MAGI1: variants seen among roughly 807,000 people sequenced by gnomAD.
MAGI1 encodes membrane associated guanylate kinase, WW and PDZ domain containing 1, also known as membrane-associated guanylate kinase, WW and PDZ domain-containing protein 1.
MAGI1 carries 58 observed loss-of-function variants against 139.9 expected under a neutral mutation model. The ratio of observed to expected loss-of-function variants is 0.41; its 90% CI spans 0.34 to 0.52. The LOEUF is 0.52. Ranked by LOEUF, MAGI1 falls within the 20% of genes least tolerant of loss-of-function variation. The pLI, the probability that MAGI1 is intolerant of heterozygous loss-of-function variation, is 0.12. For synonymous variants in MAGI1, 812 were observed against 737.9 expected, an observed-to-expected ratio of 1.10 and a Z score of -1.63; for missense variants, 1,874 against 1,901.6, an observed-to-expected ratio of 0.99 and a Z score of 0.27.
At chr3:65,718,235 C>G (rs1487838282) in intron 1 of MAGI1, among the ~76,000 whole-genome samples, 1 of 151,978 alleles carries the variant, frequency 6.6e-6, no homozygotes, top group Non-Finnish European at 1.5e-5. Context: ...ACCGGGCATT[C>G]TAACAGCAGA....
intron 1 of MAGI1, among the ~76,000 whole-genome samples, chr3:65,793,074 G>A (rs897650065): frequency 6.6e-6 from 1 of 152,190 alleles, no homozygotes; most frequent in African/African-American, 2.4e-5. Context: ...TAAGTTGAAT[G>A]TATTTCTTTT....
intron 1 of MAGI1, among the ~76,000 whole-genome samples, chr3:65,803,918 C>T (rs905398320): frequency 3.9e-5 from 6 of 152,168 alleles, no homozygotes; most frequent in Non-Finnish European, 7.3e-5. Flanking sequence ...TCCTCTAACT[C>T]AGAAACAATA....
intron 1 of MAGI1, among the ~76,000 whole-genome samples, chr3:65,788,468 T>C (rs1307249047): frequency 6.6e-6 from 1 of 152,220 alleles, no homozygotes; most frequent in Non-Finnish European, 1.5e-5. Flanking sequence ...CTATGCATTT[T>C]AGATTATTCA....
intron 1 of MAGI1, among the ~76,000 whole-genome samples, chr3:65,822,997 A>T (rs376249100): frequency 1.6e-3 from 238 of 152,312 alleles, no homozygotes; most frequent in African/African-American, 5.4e-3. Flanking sequence ...CCTCACTTAG[A>T]TCCTTATTCA....
At chr3:66,021,676 G>A (rs532355829) in intron 1 of MAGI1, among the ~76,000 whole-genome samples, 13 of 152,264 alleles carry the variant, frequency 8.5e-5, no homozygotes, top group African/African-American at 3.1e-4. Flanking sequence ...TGATCCCGTA[G>A]GTCTGGGATG....
chr3:65,388,722 G>C (rs557642010), intron 14 of MAGI1, among the ~76,000 whole-genome samples: 22 of 151,246 alleles, frequency 1.5e-4, no homozygotes, highest in African/African-American at 5.3e-4. Context: ...CTATCTATCC[G>C]TCAACTACAG....
intron 1 of MAGI1, among the ~76,000 whole-genome samples, chr3:65,694,438 T>C (rs953019728): frequency 7.2e-6 from 1 of 138,130 alleles, no homozygotes; most frequent in Non-Finnish European, 1.6e-5. Flanking sequence ...GGGTAGTAAG[T>C]GCTAAAAAAA....
At chr3:65,617,277 G>C (rs910867736) in intron 2 of MAGI1, among the ~76,000 whole-genome samples, 3 of 152,168 alleles carry the variant, frequency 2.0e-5, no homozygotes, top group African/African-American at 7.2e-5. Context: ...ACCTTTGCTT[G>C]AAAAGAAAGA....
intron 9 of MAGI1, among the ~76,000 whole-genome samples, chr3:65,438,414 G>T (rs557723687): frequency 6.6e-6 from 1 of 152,242 alleles, no homozygotes; most frequent in South Asian, 2.1e-4. Flanking sequence ...ATTACTTAAT[G>T]GGTACAATGT....
At chr3:65,887,181 T>C (rs563426983) in intron 1 of MAGI1, among the ~76,000 whole-genome samples, 12 of 151,974 alleles carry the variant, frequency 7.9e-5, no homozygotes, top group Admixed American at 6.5e-4. Context: ...TATAGAAAAA[T>C]TGAAAAAATA....
intron 12 of MAGI1, among the ~76,000 whole-genome samples, chr3:65,425,362 A>G (rs532750480): frequency 1.3e-5 from 2 of 152,182 alleles, no homozygotes; most frequent in African/African-American, 2.4e-5. Flanking sequence ...TGACTTGCCT[A>G]AAGTCACAAT....
intron 22 of MAGI1, chr3:65,360,837 C>T (rs1479146530): frequency 1.8e-6 from 2 of 1,099,212 alleles, no homozygotes; most frequent in Admixed American, 4.6e-5. Context: ...ACCTGCTTTC[C>T]TGCTTCTTAA....
intron 13 of MAGI1, among the ~76,000 whole-genome samples, chr3:65,395,137 C>G (rs936490158): frequency 6.6e-6 from 1 of 152,112 alleles, no homozygotes; most frequent in Non-Finnish European, 1.5e-5. Context: ...CATAGGATCA[C>G]CTGCTGTGTG....
chr3:65,636,354 T>G (rs930418968), intron 1 of MAGI1, among the ~76,000 whole-genome samples: 10 of 152,212 alleles, frequency 6.6e-5, no homozygotes, highest in African/African-American at 1.9e-4. Flanking sequence ...TATCAGATAT[T>G]TCTAATCTCC....
intron 4 of MAGI1, among the ~76,000 whole-genome samples, chr3:65,475,640 G>GT (rs1950850650): frequency 6.6e-6 from 1 of 152,046 alleles, no homozygotes; most frequent in Non-Finnish European, 1.5e-5. Context: ...CTTTCTCAAG[G>GT]GCTCTTTTTA....
intron 1 of MAGI1, among the ~76,000 whole-genome samples, chr3:65,820,729 G>A (rs2108250918): frequency 6.6e-6 from 1 of 152,206 alleles, no homozygotes; most frequent in East Asian, 1.9e-4. Context: ...AGTAAATAAT[G>A]TGCTTCAGGC....
rs139746262 is a variant in MAGI1, at chr3:66,016,657, A to G, written c.313+21339T>C. ...TGAGCAAGAAAGAAAAGCAGAATGGAGGAGGTCAGGACATCAAGAAAATCT... is the reference window on the plus strand; with the variant it reads ...TGAGCAAGAAAGAAAAGCAGAATGGGGGAGGTCAGGACATCAAGAAAATCT... On this transcript the variant is annotated intron_variant, in intron 1 of 22. Transcript: ENST00000402939. Among the ~76,000 whole-genome samples, 708 of 152,356 alleles carry G rather than the reference A, an allele frequency of 4.6e-3. 4 individuals carry two copies. The highest frequency in any genetic ancestry group is 0.016 in the African/African-American group (669 of 41,582).
chr3:65,542,300 C>G (rs909817989), intron 2 of MAGI1, among the ~76,000 whole-genome samples: 1 of 152,190 alleles, frequency 6.6e-6, no homozygotes, highest in Non-Finnish European at 1.5e-5. Flanking sequence ...ACATTCCATG[C>G]TCATGGATAG....
chr3:65,893,519 G>A (rs898181147), intron 1 of MAGI1, among the ~76,000 whole-genome samples: 16 of 152,042 alleles, frequency 1.1e-4, no homozygotes, highest in Admixed American at 7.2e-4. Context: ...TTTATTGAGC[G>A]TATCAAGTAT....
Sources: gnomAD v4.1 joint callset for allele counts (sites outside exome capture counted in the v4.1 genomes callset) on GRCh38, gnomAD v4.1.1 for gene constraint, MANE v1.5 for transcripts, NCBI Gene and HGNC (gene_info 2026-07-23, HGNC 2026-07-21) for gene names.